CCSER1: variants seen among roughly 807,000 people sequenced by gnomAD.
CCSER1 encodes the protein coiled-coil serine rich protein 1.
CCSER1 carries 41 observed loss-of-function variants against 82.0 expected under a neutral mutation model. The observed-to-expected ratio is 0.50, with a 90% confidence interval of 0.39 to 0.65. The LOEUF (loss-of-function observed/expected upper bound fraction) is 0.65, where lower values mean the gene tolerates loss of function less well. CCSER1 is among the 30% of genes least tolerant of loss of function. CCSER1 has a pLI of 0.00. For missense variants in CCSER1, 1,119 were observed against 1,064.2 expected (o/e 1.05, Z -0.72); for synonymous variants, 414 against 383.9 (o/e 1.08, Z -0.92).
chr4:90,623,150 C>G (rs1722659316), intron 5 of CCSER1, among the ~76,000 whole-genome samples: 1 of 151,544 alleles, frequency 6.6e-6, no homozygotes, highest in Non-Finnish European at 1.5e-5. Flanking sequence ...GCCTCAGCCT[C>G]CAGAGTAGCT....
intron 10 of CCSER1, among the ~76,000 whole-genome samples, chr4:91,584,082 G>A (rs138660798): frequency 6.6e-6 from 1 of 151,514 alleles, no homozygotes; most frequent in African/African-American, 2.4e-5. Context: ...AGTAGGTACT[G>A]GGAAAGCTGG....
At chr4:90,391,718 AAC>A (rs1751185695) in intron 3 of CCSER1, among the ~76,000 whole-genome samples, 1 of 151,452 alleles carries the variant, frequency 6.6e-6, no homozygotes, top group East Asian at 1.9e-4. Context: ...AGTTTATGGG[AAC>A]ACAGATTAGA....
intron 10 of CCSER1, among the ~76,000 whole-genome samples, chr4:91,417,386 G>A (rs537803933): frequency 1.3e-5 from 2 of 152,154 alleles, no homozygotes; most frequent in South Asian, 4.1e-4. Context: ...AAAGATACAT[G>A]CATGCATATG....
intron 10 of CCSER1, among the ~76,000 whole-genome samples, chr4:91,139,911 G>C (rs1455732429): frequency 6.6e-6 from 1 of 151,928 alleles, no homozygotes; most frequent in Non-Finnish European, 1.5e-5. Flanking sequence ...TTTTGAAAAA[G>C]TACAAAGAAA....
At chr4:90,400,002 T>TA (rs1442790539) in intron 3 of CCSER1, 34 bp from the exon 4 acceptor site, 1 of 1,231,250 alleles carries the variant, frequency 8.1e-7, no homozygotes, top group East Asian at 2.3e-5. Context: ...CTCAGTGTTT[T>TA]GGTTTCTAAT....
chr4:90,210,436 TTTTCTTTTCTTTTC>T (rs1359433596), intron 1 of CCSER1, among the ~76,000 whole-genome samples: 1 of 120,198 alleles, frequency 8.3e-6, no homozygotes, highest in African/African-American at 3.6e-5. Flanking sequence ...ATTTCTTTTC[TTTTCTTTTCTTTTC>T]TTTTTTTTTT....
intron 10 of CCSER1, among the ~76,000 whole-genome samples, chr4:91,551,903 C>A (rs2110226368): frequency 6.6e-6 from 1 of 151,644 alleles, no homozygotes; most frequent in South Asian, 2.1e-4. Context: ...TGTCAAACAT[C>A]AACATTTGTA....
At chr4:91,531,900 A>T (rs1578713597) in intron 10 of CCSER1, among the ~76,000 whole-genome samples, 1 of 152,262 alleles carries the variant, frequency 6.6e-6, no homozygotes, top group East Asian at 1.9e-4. Flanking sequence ...TTTAATAGAG[A>T]TAAGGTCTCA....
At chr4:91,450,163 T>C (rs1408423814) in intron 10 of CCSER1, among the ~76,000 whole-genome samples, 1 of 152,076 alleles carries the variant, frequency 6.6e-6, no homozygotes, top group African/African-American at 2.4e-5. Flanking sequence ...GAGAATTGTC[T>C]TACTTCCCAG....
chr4:90,297,844 C>T (rs1414048215), intron 1 of CCSER1, among the ~76,000 whole-genome samples: 1 of 152,076 alleles, frequency 6.6e-6, no homozygotes, highest in African/African-American at 2.4e-5. Context: ...GGAATGAAGC[C>T]CACTTGATCA....
rs189857336 is a variant in CCSER1, at chr4:91,160,519, A to G, written c.2217+74525A>G. On this transcript the variant is annotated intron_variant, in intron 10 of 10. Transcript: ENST00000509176. ...TAGTTTACAGTCCCACCAACAGTGC[A>G]AAAGTGTTCCTATTTCTCCACATCC... Among the ~76,000 whole-genome samples the G allele has an allele frequency of 3.7e-4, 56 of 152,340 alleles. No homozygotes were observed. The East Asian group carries it at 0.01, about 28-fold the overall frequency.
chr4:90,404,887 C>T (rs575294093), intron 4 of CCSER1, among the ~76,000 whole-genome samples: 5 of 152,270 alleles, frequency 3.3e-5, no homozygotes, highest in Admixed American at 1.3e-4. Context: ...CAGATCTTCC[C>T]TCTGACACAG....
chr4:90,936,279 A>T lies in CCSER1; in HGVS notation c.2172+12832A>T, dbSNP rs182852670. The stretch of plus-strand genomic sequence containing the variant: ...GCATTATACCTTAAAGCCCAAGAAG[A>T]TTAACCTATTTTGTAACTGATTTTC... On this transcript the variant is annotated intron_variant, in intron 9 of 10. Transcript: ENST00000509176. Among the ~76,000 whole-genome samples the T allele has an allele frequency of 5.6e-3, 857 of 152,200 alleles. 5 individuals are homozygous for T. The highest frequency in any genetic ancestry group is 7.5e-3 in the Non-Finnish European group (512 of 67,960).
chr4:91,088,975 G>A (rs913554684), intron 10 of CCSER1, among the ~76,000 whole-genome samples: 4 of 151,908 alleles, frequency 2.6e-5, no homozygotes, highest in Admixed American at 6.6e-5. Context: ...TTTTGTTTAA[G>A]TATTAAAGCT....
chr4:91,460,957 C>G (rs919730399), intron 10 of CCSER1, among the ~76,000 whole-genome samples: 2 of 152,098 alleles, frequency 1.3e-5, no homozygotes, highest in Non-Finnish European at 2.9e-5. Flanking sequence ...TAAAAAAAAT[C>G]CCATTTTCCC....
chr4:91,346,272 C>T (rs555688837), intron 10 of CCSER1, among the ~76,000 whole-genome samples: 1 of 152,124 alleles, frequency 6.6e-6, no homozygotes, highest in Admixed American at 6.6e-5. Flanking sequence ...ACCTCAGCCT[C>T]CCAAAGTGCT....
chr4:90,968,001 T>TA (rs1734735238), intron 9 of CCSER1, among the ~76,000 whole-genome samples: 1 of 152,026 alleles, frequency 6.6e-6, no homozygotes, highest in Admixed American at 6.6e-5. Context: ...ATGATTTCTC[T>TA]AACGGAGAAA....
chr4:91,175,615 T>C (rs944144514), intron 10 of CCSER1, among the ~76,000 whole-genome samples: 48 of 152,356 alleles, frequency 3.2e-4, no homozygotes, highest in African/African-American at 1.1e-3. Flanking sequence ...GCTGCATAAA[T>C]GTCTTCTTTT....
At chr4:91,351,638 G>A in intron 10 of CCSER1, among the ~76,000 whole-genome samples, 1 of 151,862 alleles carries the variant, frequency 6.6e-6, no homozygotes, top group African/African-American at 2.4e-5. Context: ...GAATATTTTT[G>A]CCCTGTGGAT....
Sources: allele counts gnomAD v4.1 joint callset (sites outside exome capture counted in the v4.1 genomes callset), GRCh38; gene constraint gnomAD v4.1.1; transcripts MANE v1.5; gene names NCBI Gene and HGNC (gene_info 2026-07-23, HGNC 2026-07-21).